Variants in CNTN5 observed in about 807,000 individuals in gnomAD.
CNTN5 encodes the protein contactin 5, also known as contactin-5.
A neutral mutation model predicts 129.1 loss-of-function variants in CNTN5; 77 were observed. The ratio of observed to expected loss-of-function variants is 0.60; its 90% CI spans 0.50 to 0.72. The LOEUF (loss-of-function observed/expected upper bound fraction) is 0.72. Among genes scored for constraint, CNTN5 ranks in the 30% least tolerant of loss-of-function variants. The pLI is 0.00. For missense variants in CNTN5, 1,478 were observed against 1,328.8 expected, an observed-to-expected ratio of 1.11 and a Z score of -1.75; for synonymous variants, 509 against 465.6, an observed-to-expected ratio of 1.09 and a Z score of -1.20.
chr11:99,577,157 A>C (rs1035881082), intron 3 of CNTN5, among the ~76,000 whole-genome samples: 1 of 152,172 alleles, frequency 6.6e-6, no homozygotes, highest in African/African-American at 2.4e-5. Flanking sequence ...AGGGAGGTTG[A>C]AGGATTGAGG....
chr11:99,583,186 T>A (rs886684560), intron 3 of CNTN5, among the ~76,000 whole-genome samples: 1 of 152,130 alleles, frequency 6.6e-6, no homozygotes, highest in Admixed American at 6.5e-5. Context: ...CCTCTGGAAG[T>A]TTTGTCTCAG....
chr11:99,038,234 A>T (rs1040052955), intron 1 of CNTN5, among the ~76,000 whole-genome samples: 1 of 152,180 alleles, frequency 6.6e-6, no homozygotes, highest in African/African-American at 2.4e-5. Context: ...TGGAATCAAG[A>T]TATAAAACTT....
chr11:99,041,091 G>A (rs1188299617), intron 1 of CNTN5, among the ~76,000 whole-genome samples: 2 of 152,072 alleles, frequency 1.3e-5, no homozygotes, highest in African/African-American at 2.4e-5. Flanking sequence ...ACAAAACTGA[G>A]CCTGGCCTGG....
At chr11:99,469,623 C>T (rs1371353042) in intron 2 of CNTN5, among the ~76,000 whole-genome samples, 1 of 151,938 alleles carries the variant, frequency 6.6e-6, no homozygotes, top group African/African-American at 2.4e-5. Flanking sequence ...AGTTTAAACT[C>T]AATAATAATT....
chr11:100,002,972 A>G lies in CNTN5; in HGVS notation c.980+836A>G, dbSNP rs542221974. Among the ~76,000 whole-genome samples, 80 of 152,184 alleles carry G rather than the reference A, an allele frequency of 5.3e-4. No individual in the cohort carries two copies. In the South Asian group the frequency reaches 0.011, roughly 21 times the overall value. Reference sequence around the variant, plus strand: ...GCAGAGAGCAAACTCCCACAATATAACTATAAAGTACTCGGAGATAAAGCC... The same window carrying G: ...GCAGAGAGCAAACTCCCACAATATAGCTATAAAGTACTCGGAGATAAAGCC... On this transcript the variant is annotated intron_variant, in intron 9 of 24. Coordinates refer to ENST00000524871, the MANE Select transcript of CNTN5 (RefSeq NM_014361.4).
intron 1 of CNTN5, among the ~76,000 whole-genome samples, chr11:99,226,227 A>C (rs2135715513): frequency 6.6e-6 from 1 of 152,310 alleles, no homozygotes; most frequent in Admixed American, 6.5e-5. Context: ...TTTTAGTCTT[A>C]AATGTGAAAT....
chr11:99,959,640 GT>G (rs1950890402), intron 8 of CNTN5, among the ~76,000 whole-genome samples: 2 of 152,130 alleles, frequency 1.3e-5, no homozygotes, highest in African/African-American at 4.8e-5. Context: ...AGCAGTTGAC[GT>G]TGTTGACACT....
At chr11:99,384,670 A>G (rs1223482632) in intron 2 of CNTN5, among the ~76,000 whole-genome samples, 1 of 152,214 alleles carries the variant, frequency 6.6e-6, no homozygotes, top group Non-Finnish European at 1.5e-5. Flanking sequence ...GTTTTATTGA[A>G]CTATTCTAAT....
intron 13 of CNTN5, among the ~76,000 whole-genome samples, chr11:100,150,624 G>C (rs1368336725): frequency 6.6e-6 from 1 of 151,120 alleles, no homozygotes; most frequent in African/African-American, 2.4e-5. Context: ...AATTTTTACG[G>C]TCAGTCCTCA....
chr11:99,416,712 G>A (rs1352006536), intron 2 of CNTN5, among the ~76,000 whole-genome samples: 1 of 152,148 alleles, frequency 6.6e-6, no homozygotes, highest in African/African-American at 2.4e-5. Context: ...GTAGCAACGG[G>A]CATCATAACA....
chr11:99,041,616 GTA>G (rs1284270350), intron 1 of CNTN5, among the ~76,000 whole-genome samples: 2 of 152,248 alleles, frequency 1.3e-5, no homozygotes, highest in Non-Finnish European at 2.9e-5. Context: ...CCCTCATTAA[GTA>G]TAGTTTTTGA....
intron 3 of CNTN5, among the ~76,000 whole-genome samples, chr11:99,795,580 C>T (rs1945903937): frequency 7.7e-6 from 1 of 130,580 alleles, no homozygotes; most frequent in African/African-American, 3.1e-5. Flanking sequence ...AGCTGTTATC[C>T]TTTAGATCTT....
intron 10 of CNTN5, among the ~76,000 whole-genome samples, chr11:100,062,459 A>G (rs1393289930): frequency 6.6e-6 from 1 of 152,232 alleles, no homozygotes; most frequent in African/African-American, 2.4e-5. Flanking sequence ...CCATTCATTC[A>G]TTGATACAGT....
intron 6 of CNTN5, among the ~76,000 whole-genome samples, chr11:99,870,513 A>G (rs1268767420): frequency 2.0e-5 from 3 of 152,162 alleles, no homozygotes; most frequent in Non-Finnish European, 2.9e-5. Flanking sequence ...ATTTAAACAT[A>G]ATGACAAGGT....
intron 6 of CNTN5, among the ~76,000 whole-genome samples, chr11:99,858,759 AAAAT>A (rs1948119234): frequency 1.3e-5 from 2 of 151,662 alleles, no homozygotes; most frequent in South Asian, 4.2e-4. Flanking sequence ...CTTTGCTCAT[AAAAT>A]AGAAGCTACA....
At chr11:99,810,012 G>T (rs920936696) in intron 3 of CNTN5, among the ~76,000 whole-genome samples, 1 of 151,904 alleles carries the variant, frequency 6.6e-6, no homozygotes, top group East Asian at 1.9e-4. Context: ...TATTGTGAGG[G>T]AAATATTAAT....
chr11:99,631,529 TTATTG>T (rs1195649013), intron 3 of CNTN5, among the ~76,000 whole-genome samples: 2 of 152,108 alleles, frequency 1.3e-5, no homozygotes, highest in East Asian at 1.9e-4. Flanking sequence ...AGACTAAAGT[TTATTG>T]TATTCTATTT....
At chr11:99,148,598 C>T (rs1186938054) in intron 1 of CNTN5, among the ~76,000 whole-genome samples, 1 of 152,144 alleles carries the variant, frequency 6.6e-6, no homozygotes, top group East Asian at 1.9e-4. Context: ...GTCTGAAACT[C>T]AGCTGCTATG....
intron 9 of CNTN5, among the ~76,000 whole-genome samples, chr11:100,060,646 T>TTC (rs1943430018): frequency 6.6e-6 from 1 of 151,222 alleles, no homozygotes; most frequent in South Asian, 2.1e-4. Context: ...TTTTCTTTTT[T>TTC]TTTTTTTTTT....
Sources: gnomAD v4.1 joint callset for allele counts (sites outside exome capture counted in the v4.1 genomes callset) on GRCh38, gnomAD v4.1.1 for gene constraint, MANE v1.5 for transcripts, NCBI Gene and HGNC (gene_info 2026-07-23, HGNC 2026-07-21) for gene names.